The following SLC4A4 variants were observed in gnomAD, a reference collection of about 807,000 sequenced individuals.
The protein encoded by SLC4A4 is solute carrier family 4 member 4.
A neutral mutation model predicts 111.5 loss-of-function variants in SLC4A4; 27 were observed. That is an observed-to-expected ratio of 0.24 (90% confidence interval 0.18 to 0.33). SLC4A4 has a LOEUF of 0.33. Ranked by LOEUF, SLC4A4 falls within the 10% of genes least tolerant of loss-of-function variation. The probability of loss-of-function intolerance (pLI) is 1.00; values close to 1 mark genes in which losing one functional copy is unlikely to be tolerated. For synonymous variants in SLC4A4, 443 were observed against 463.4 expected, an observed-to-expected ratio of 0.96 and a Z score of 0.57; for missense variants, 909 against 1,315.5, an observed-to-expected ratio of 0.69 and a Z score of 4.78.
At chr4:71,085,040 A>G (rs375090612) in intron 1 of SLC4A4, among the ~76,000 whole-genome samples, 1 of 151,976 alleles carries the variant, frequency 6.6e-6, no homozygotes, top group African/African-American at 2.4e-5. Context: ...AAGTGTTCCC[A>G]TTTCTCCACA....
chr4:71,437,130 A>G (rs1724232355), intron 7 of SLC4A4: 12 of 466,728 alleles, frequency 2.6e-5, no homozygotes, highest in Non-Finnish European at 4.7e-5. Context: ...CAGTTCCTAT[A>G]TCTGAGTTCA....
intron 1 of SLC4A4, among the ~76,000 whole-genome samples, chr4:71,078,312 G>A (rs1741901375): frequency 6.6e-6 from 1 of 151,818 alleles, no homozygotes; most frequent in Non-Finnish European, 1.5e-5. Flanking sequence ...ATCCAAAGTT[G>A]AATAACAGAG....
At chr4:71,397,759 C>A in intron 7 of SLC4A4, 106 bp downstream of exon 7, 1 of 966,570 alleles carries the variant, frequency 1.0e-6, no homozygotes, top group Non-Finnish European at 1.7e-6. Context: ...TGGACCTTTA[C>A]GTGCAGACAA....
At chr4:71,525,688 C>T (rs1172191967) in intron 16 of SLC4A4, among the ~76,000 whole-genome samples, 1 of 152,084 alleles carries the variant, frequency 6.6e-6, no homozygotes, top group African/African-American at 2.4e-5. Context: ...TGGGCATGAA[C>T]TCTTGAGGGA....
chr4:71,253,532 G>A (rs533166652), intron 2 of SLC4A4, among the ~76,000 whole-genome samples: 8 of 152,140 alleles, frequency 5.3e-5, no homozygotes, highest in Admixed American at 3.3e-4. Flanking sequence ...CAAGCATTTC[G>A]TGTTTGATTT....
rs532920678 is a variant in SLC4A4 at position 71,442,706 on chromosome 4, T to C, written c.965+1933T>C. ...ATCTGTGTTTGTGTGTATCTTTTTA[T>C]GGTCATTTTTCTTTTTAAAGGTGGA... On this transcript the variant is annotated intron_variant, in intron 8 of 25. Transcript: ENST00000264485. Among the ~76,000 whole-genome samples the C allele has an allele frequency of 3.9e-5, 6 of 152,344 alleles. No homozygotes were observed. In the South Asian group the frequency reaches 1.2e-3, roughly 32 times the overall value.
At chr4:71,502,306 A>G (rs1731025010) in intron 16 of SLC4A4, among the ~76,000 whole-genome samples, 1 of 152,170 alleles carries the variant, frequency 6.6e-6, no homozygotes, top group South Asian at 2.1e-4. Flanking sequence ...AGTTTTGTTA[A>G]TTTTTTTAAC....
At chr4:71,460,442 G>A (rs1425899505) in intron 12 of SLC4A4, among the ~76,000 whole-genome samples, 1 of 152,082 alleles carries the variant, frequency 6.6e-6, no homozygotes, top group Non-Finnish European at 1.5e-5. Context: ...GGAACTCTTG[G>A]TAAGATTTTT....
At chr4:71,273,749 T>TAGCTCTGAGAAGC (rs1722873743) in intron 3 of SLC4A4, among the ~76,000 whole-genome samples, 1 of 151,796 alleles carries the variant, frequency 6.6e-6, no homozygotes, top group Non-Finnish European at 1.5e-5. Flanking sequence ...AGTTGAGAAG[T>TAGCTCTGAGAAGC]AGCTCTGAGA....
chr4:71,064,887 A>T (rs1032721039), intron 1 of SLC4A4, among the ~76,000 whole-genome samples: 1 of 152,220 alleles, frequency 6.6e-6, no homozygotes, highest in African/African-American at 2.4e-5. Context: ...AATGAGGGTG[A>T]TAATTCTACC....
chr4:71,121,888 G>C (rs1054010662), intron 2 of SLC4A4, among the ~76,000 whole-genome samples: 12 of 152,116 alleles, frequency 7.9e-5, no homozygotes, highest in Non-Finnish European at 1.3e-4. Context: ...AATGTCTGCA[G>C]GTTCACTCCT....
chr4:71,470,736 T>A (rs1200187660), intron 13 of SLC4A4, among the ~76,000 whole-genome samples: 1 of 152,020 alleles, frequency 6.6e-6, no homozygotes, highest in Non-Finnish European at 1.5e-5. Context: ...GCTGACAGGC[T>A]GGAGACCCAG....
intron 1 of SLC4A4, among the ~76,000 whole-genome samples, chr4:71,080,252 A>G (rs6842099): frequency 1 from 152,060 of 152,132 alleles, 75,994 homozygotes; most frequent in Non-Finnish European, 1. Flanking sequence ...GGTAGAGACT[A>G]CCCACGAGTG....
intron 2 of SLC4A4, among the ~76,000 whole-genome samples, chr4:71,120,509 A>G (rs1349380281): frequency 3.9e-5 from 6 of 152,142 alleles, no homozygotes; most frequent in Non-Finnish European, 8.8e-5. Context: ...TCTAGTCTCT[A>G]CTTTTCCTTC....
At chr4:71,452,221 C>T (rs1725834537) in intron 11 of SLC4A4, among the ~76,000 whole-genome samples, 1 of 151,998 alleles carries the variant, frequency 6.6e-6, no homozygotes, top group Non-Finnish European at 1.5e-5. Flanking sequence ...GGATATTATT[C>T]CTCTGTCCTT....
At chr4:71,288,424 A>G (rs1302105557) in intron 3 of SLC4A4, among the ~76,000 whole-genome samples, 3 of 150,400 alleles carry the variant, frequency 2.0e-5, no homozygotes, top group Admixed American at 1.3e-4. Flanking sequence ...TTTTTTACAG[A>G]GTTTCACACT....
Position 71,557,802 on chromosome 4 carries a change from C to T in SLC4A4, c.2854C>T (p.Leu952=), listed in dbSNP as rs1234839524. 2 of 1,612,716 alleles carry T rather than the reference C, an allele frequency of 1.2e-6. No individual in the cohort carries two copies. Among genetic ancestry groups the T allele is most frequent in the East Asian group, 2.2e-5 (1 of 44,732 alleles). The stretch of plus-strand genomic sequence containing the variant: ...TCATGTTCCTCTGCGCAGAGTCCAC[C>T]TGTTCACTTTCCTGCAGGTGTTGTG... The part of the protein sequence containing the change: ...LRHVPLRRVH[L]FTFLQVLCLA... Residue 952 remains leucine (L), a synonymous_variant, in exon 22 of 26, where the codon CTG becomes TTG. Coordinates refer to ENST00000264485, the MANE Select transcript of SLC4A4 (RefSeq NM_001098484.3).
rs562684184 is a variant in SLC4A4 at position 71,515,857 on chromosome 4, C to T, written c.2167-16205C>T. 2.0e-5 allele frequency among the ~76,000 whole-genome samples: 3 copies of T among 152,044 alleles called. 1 individual carries two copies. Among genetic ancestry groups the T allele is most frequent in the African/African-American group, 7.2e-5 (3 of 41,478 alleles). On this transcript the variant is annotated intron_variant, in intron 16 of 25. Transcript: ENST00000264485. ...TTTAGTTTCAGTCTATATGTCCTTA[C>T]TGGTAAGGTGAGTTTCTTATAAGTA... is the stretch of plus-strand genomic sequence containing the variant.
intron 9 of SLC4A4, among the ~76,000 whole-genome samples, chr4:71,448,409 A>G (rs995751435): frequency 6.6e-6 from 1 of 151,990 alleles, no homozygotes; most frequent in African/African-American, 2.4e-5. Flanking sequence ...GGGAATTCAA[A>G]TGTCTATATT....
Sources: allele counts gnomAD v4.1 joint callset (sites outside exome capture counted in the v4.1 genomes callset), GRCh38; gene constraint gnomAD v4.1.1; transcripts MANE v1.5; gene names NCBI Gene and HGNC (gene_info 2026-07-23, HGNC 2026-07-21).